PCBP2: variants seen among roughly 807,000 people sequenced by gnomAD.
The protein encoded by PCBP2 is poly(rC) binding protein 2.
A neutral mutation model predicts 50.1 loss-of-function variants in PCBP2; 4 were observed. That is an observed-to-expected ratio of 0.08 (90% CI 0.04 to 0.18). PCBP2 has a LOEUF of 0.18. Ranked by LOEUF, PCBP2 falls within the 10% of genes least tolerant of loss-of-function variation. PCBP2 has a pLI of 1.00. For synonymous variants in PCBP2, 179 were observed against 168.0 expected, an observed-to-expected ratio of 1.07 and a Z score of -0.51; for missense variants, 161 against 474.3, an observed-to-expected ratio of 0.34 and a Z score of 6.14.
At chr12:53,460,659 A>T in intron 6 of PCBP2, 1 of 233,506 alleles carries the variant, frequency 4.3e-6, no homozygotes, top group Non-Finnish European at 8.7e-6. Context: ...GCCTTGATGT[A>T]AATATTTTTT....
intron 14 of PCBP2, among the ~76,000 whole-genome samples, chr12:53,474,306 A>T (rs551604964): frequency 1.3e-5 from 2 of 152,296 alleles, no homozygotes; most frequent in Non-Finnish European, 2.9e-5. Flanking sequence ...GAAATTTGAA[A>T]TTAGTCAGTG....
At chr12:53,467,574 G>A (rs1465094110) in intron 11 of PCBP2, 1 of 614,184 alleles carries the variant, frequency 1.6e-6, no homozygotes, top group African/African-American at 1.9e-5. Flanking sequence ...ATTTCTTTGA[G>A]CCCATCCTGA....
intron 11 of PCBP2, 35 bp downstream of exon 11, chr12:53,467,328 T>C (rs1170074395): frequency 8.5e-6 from 13 of 1,535,286 alleles, no homozygotes; most frequent in Non-Finnish European, 1.1e-5. Flanking sequence ...CTGTAAGGTG[T>C]AGTGCAAGAG....
chr12:53,456,689 A>G (rs534069044), intron 5 of PCBP2, among the ~76,000 whole-genome samples: 1 of 152,326 alleles, frequency 6.6e-6, no homozygotes, highest in East Asian at 1.9e-4. Context: ...TCAAAATTAC[A>G]TTTGTTGGGG....
chr12:53,468,916 C>T, intron 13 of PCBP2, 84 bp downstream of exon 13: 1 of 841,392 alleles, frequency 1.2e-6, no homozygotes. Context: ...GTCCTGCTAC[C>T]CTTTTTTTTT....
intron 14 of PCBP2, among the ~76,000 whole-genome samples, chr12:53,478,848 C>T (rs757368799): frequency 2.6e-5 from 4 of 151,832 alleles, no homozygotes; most frequent in Non-Finnish European, 4.4e-5. Context: ...CCCATAGTTA[C>T]TCTTTTTACA....
intron 14 of PCBP2, among the ~76,000 whole-genome samples, chr12:53,473,324 C>T (rs1419784754): frequency 6.6e-6 from 1 of 152,136 alleles, no homozygotes; most frequent in Non-Finnish European, 1.5e-5. Flanking sequence ...ACCTTGTCAT[C>T]CACCTGCCTC....
intron 14 of PCBP2, among the ~76,000 whole-genome samples, chr12:53,473,423 G>A (rs1942366795): frequency 6.6e-6 from 1 of 152,178 alleles, no homozygotes. Flanking sequence ...AGGGCAAGAA[G>A]TTTTCAGTTT....
intron 5 of PCBP2, among the ~76,000 whole-genome samples, chr12:53,458,010 C>T (rs769532835): frequency 3.3e-5 from 5 of 152,120 alleles, no homozygotes; most frequent in Non-Finnish European, 7.3e-5. Flanking sequence ...CTCACCGTAA[C>T]CTCTGACTCC....
chr12:53,473,909 A>G (rs778717831), intron 14 of PCBP2, among the ~76,000 whole-genome samples: 1 of 151,782 alleles, frequency 6.6e-6, no homozygotes, highest in Non-Finnish European at 1.5e-5. Context: ...TCCTTTATGG[A>G]TTGCAGCTGT....
chr12:53,468,263 A>G (rs1013335603), intron 12 of PCBP2: 1 of 196,470 alleles, frequency 5.1e-6, no homozygotes, highest in East Asian at 1.3e-4. Context: ...ATTTCATTCT[A>G]TCTGACCTTC....
chr12:53,454,230 T>C (rs1940819355), intron 1 of PCBP2, among the ~76,000 whole-genome samples: 1 of 152,234 alleles, frequency 6.6e-6, no homozygotes, highest in Non-Finnish European at 1.5e-5. Flanking sequence ...AAATTTGTAA[T>C]GTGGGATACA....
At chr12:53,454,204 T>G (rs1466759208) in intron 1 of PCBP2, among the ~76,000 whole-genome samples, 1 of 152,256 alleles carries the variant, frequency 6.6e-6, no homozygotes, top group Non-Finnish European at 1.5e-5. Context: ...CATTTGGTGT[T>G]AGCCATCAAC....
At chr12:53,475,494 TG>T (rs1157565877) in intron 14 of PCBP2, 19 of 262,320 alleles carry the variant, frequency 7.2e-5, no homozygotes, top group Non-Finnish European at 1.4e-4. Flanking sequence ...TATTCTGCCT[TG>T]CAATATAACA....
intron 12 of PCBP2, 146 bp downstream of exon 12, chr12:53,467,989 C>A (rs980708314): frequency 6.0e-6 from 4 of 662,368 alleles, no homozygotes; most frequent in Non-Finnish European, 1.1e-5. Context: ...GGCCTGGAGC[C>A]CCCGAGGGTC....
At chr12:53,461,246 C>T (rs2137047309) in intron 7 of PCBP2, 103 bp downstream of exon 7, 5 of 1,318,186 alleles carry the variant, frequency 3.8e-6, no homozygotes, top group Middle Eastern at 1.9e-4. Context: ...GCTGTTAAGG[C>T]TTCCAGTGGG....
At position 53,479,397 on chromosome 12, in the gene PCBP2, G is replaced by GTGT. The variant is rs746471989; in HGVS notation, c.1053-7_1053-5dup. 3.1e-6 allele frequency: 5 copies of GTGT among 1,613,602 alleles called. No homozygotes were observed. In the South Asian group the frequency reaches 3.3e-5, roughly 11 times the overall value. On this transcript the variant is annotated splice_polypyrimidine_tract_variant and intron_variant, in intron 14 of 14. Transcript: ENST00000546463. ...GGAAACTAACTGAGTTCTTGTTTCT[G>GTGT]TGTTACAGGCTTTCCTCGGAGACGG...
In PCBP2 at chr12:53,462,511, A is replaced by C; in HGVS notation, c.523A>C (p.Thr175Pro). The C allele has an allele frequency of 6.2e-7, 1 of 1,612,668 alleles. No individual in the cohort carries two copies. ...CTCCCAGTCCCCCCCGAAGGGCGTG[A>C]CCATCCCGTACCGGCCCAAGCCGTC... Reference protein sequence around the residue: ...VMLESPPKGVTIPYRPKPSSS... With the variant: ...VMLESPPKGVPIPYRPKPSSS... The change falls in exon 8 of 15, where the codon ACC (threonine) becomes CCC (proline). Residue 175 changes from threonine to proline, a missense_variant. Coordinates refer to ENST00000546463, the MANE Select transcript of PCBP2 (RefSeq NM_031989.5).
intron 8 of PCBP2, among the ~76,000 whole-genome samples, chr12:53,463,503 A>G (rs1941597167): frequency 6.6e-6 from 1 of 152,208 alleles, no homozygotes; most frequent in Admixed American, 6.5e-5. Context: ...TATAACAAGT[A>G]TTTACATAGT....
Sources: allele counts gnomAD v4.1 joint callset (sites outside exome capture counted in the v4.1 genomes callset), GRCh38; gene constraint gnomAD v4.1.1; transcripts MANE v1.5; gene names NCBI Gene and HGNC (gene_info 2026-07-23, HGNC 2026-07-21).